The following SLC25A3 variants were observed in gnomAD, a reference collection of about 807,000 sequenced individuals.
SLC25A3 encodes solute carrier family 25 member 3, also known as phosphate transport protein.
A neutral mutation model predicts 37.1 loss-of-function variants in SLC25A3; 14 were observed. The observed-to-expected ratio is 0.38, with a 90% CI of 0.25 to 0.59. The LOEUF (loss-of-function observed/expected upper bound fraction) is 0.59. SLC25A3 is among the 20% of genes least tolerant of loss of function. The probability of loss-of-function intolerance (pLI) is 0.67; values close to 1 mark genes in which losing one functional copy is unlikely to be tolerated. For synonymous variants in SLC25A3, 161 were observed against 168.7 expected (o/e 0.95, Z 0.36); for missense variants, 385 against 458.1 (o/e 0.84, Z 1.46).
intron 4 of SLC25A3, chr12:98,598,316 A>G (rs1353897941): frequency 2.5e-6 from 2 of 815,560 alleles, no homozygotes; most frequent in Middle Eastern, 3.6e-4. Flanking sequence ...GTTCCGGGGC[A>G]TGGCATCTAG....
In SLC25A3 at chr12:98,601,784, A is replaced by C. The variant is rs1178716656; in HGVS notation, c.*256A>C. The C allele has an allele frequency of 1.1e-5, 5 of 436,690 alleles. No homozygotes were observed. The highest frequency in any genetic ancestry group is 2.0e-5 in the African/African-American group (1 of 50,230). 27.1% of individuals were successfully genotyped at this position (436,690 alleles called of 1,614,324 possible). On this transcript the variant is annotated 3_prime_UTR_variant, in exon 8 of 8. Coordinates refer to ENST00000552981, the MANE Select transcript of SLC25A3 (RefSeq NM_002635.4). Reference sequence around the variant, plus strand: ...AATAGTTGGAAAGAATGAAGTATATAAGTTAAGGAAAAAATACAAAACTGA... The same window carrying C: ...AATAGTTGGAAAGAATGAAGTATATCAGTTAAGGAAAAAATACAAAACTGA...
intron 3 of SLC25A3, 67 bp from the exon 4 acceptor site, chr12:98,597,789 C>A: frequency 6.3e-7 from 1 of 1,583,994 alleles, no homozygotes; most frequent in Non-Finnish European, 8.6e-7. Flanking sequence ...CAAAAATAAT[C>A]ATGAGATTAA....
chr12:98,598,296 CCTT>C (rs1366931446), intron 4 of SLC25A3: 1 of 727,898 alleles, frequency 1.4e-6, no homozygotes, highest in African/African-American at 1.8e-5. Flanking sequence ...CTCTGGGACT[CCTT>C]TGCGTAGTTC....
chr12:98,598,201 A>G, intron 4 of SLC25A3, 166 bp downstream of exon 4: 2 of 701,454 alleles, frequency 2.9e-6, no homozygotes, highest in East Asian at 5.4e-5. Context: ...AGGTTGATAA[A>G]TGTATTTCAT....
rs2097599520 is a variant in SLC25A3 at position 98,603,690 on chromosome 12, T to C, written c.*2162T>C. 6.6e-6 allele frequency: 1 copy of C among 152,170 alleles called. No homozygotes were observed. Among genetic ancestry groups the C allele is most frequent in the African/African-American group, 2.4e-5 (1 of 41,442 alleles). The allele number at this position is 152,170 out of a possible 1,614,324, so 9.4% of individuals were successfully genotyped here. ...TTATAATAGGTTTTATTTGTGGGCA[T>C]TGATACAAAATACGCTGTGTTCAAG... On this transcript the variant is annotated 3_prime_UTR_variant, in exon 8 of 8. Coordinates refer to ENST00000552981, the MANE Select transcript of SLC25A3 (RefSeq NM_002635.4).
chr12:98,601,145 G>T (rs930264566), intron 6 of SLC25A3, 26 bp from the exon 7 acceptor site: 2 of 1,610,148 alleles, frequency 1.2e-6, no homozygotes, highest in South Asian at 1.1e-5. Context: ...AACTGGCACT[G>T]TATGGGATCC....
In SLC25A3 at chr12:98,604,258, A is replaced by G. The variant is rs2097599973; in HGVS notation, c.*2730A>G. 8.7e-6 allele frequency: 1 copy of G among 115,288 alleles called. No homozygotes were observed. Among genetic ancestry groups the G allele is most frequent in the South Asian group, 2.9e-4 (1 of 3,474 alleles). The allele number at this position is 115,288 out of a possible 1,614,324, so 7.1% of individuals were successfully genotyped here. On this transcript the variant is annotated 3_prime_UTR_variant, in exon 8 of 8. Transcript: ENST00000552981. ...CAACAGCGAAACTCTGTCTCAAAAA[A>G]AAAAAATATATATATATATATATAT... is the stretch of plus-strand genomic sequence containing the variant.
chr12:98,598,811 T>C, intron 5 of SLC25A3, 108 bp downstream of exon 5: 2 of 1,084,592 alleles, frequency 1.8e-6, no homozygotes, highest in Non-Finnish European at 2.7e-6. Context: ...AGTCTCGCTC[T>C]GTCACCCAGG....
intron 5 of SLC25A3, 149 bp from the exon 6 acceptor site, chr12:98,599,806 G>C (rs1197580524): frequency 1.1e-6 from 1 of 872,670 alleles, no homozygotes; most frequent in Non-Finnish European, 1.9e-6. Context: ...CTGCATGTTA[G>C]TCTAACGTTC....
In SLC25A3 at chr12:98,601,882, A is replaced by C; in HGVS notation, c.*354A>C. The C allele has an allele frequency of 4.2e-6, 1 of 237,324 alleles. No homozygotes were observed. Among genetic ancestry groups the C allele is most frequent in the South Asian group, 5.5e-5 (1 of 18,304 alleles). 14.7% of individuals were successfully genotyped at this position (237,324 alleles called of 1,614,324 possible). ...CATATGTCTCAAGTTTTATCACACA[A>C]AGTTCCTGTATTTCTAGGGAAGCAG... On this transcript the variant is annotated 3_prime_UTR_variant, in exon 8 of 8. Transcript: ENST00000552981.
intron 6 of SLC25A3, 24 bp from the exon 7 acceptor site, chr12:98,601,143 CTGTA>C: frequency 6.2e-7 from 1 of 1,609,526 alleles, no homozygotes; most frequent in Non-Finnish European, 8.5e-7. Flanking sequence ...TTAACTGGCA[CTGTA>C]TGGGATCCTT....
At chr12:98,594,627 G>A (rs1374059709) in intron 2 of SLC25A3, 1 of 475,598 alleles carries the variant, frequency 2.1e-6, no homozygotes, top group Non-Finnish European at 3.8e-6. Flanking sequence ...TCCTGTTTTC[G>A]TGCGACTGGA....
intron 2 of SLC25A3, chr12:98,594,604 A>G (rs2097591409): frequency 1.9e-6 from 1 of 535,604 alleles, no homozygotes; most frequent in Non-Finnish European, 3.4e-6. Context: ...ATTGTATATG[A>G]GATAACTAGA....
At chr12:98,593,937 C>T (rs1169132807) in intron 1 of SLC25A3, 38 bp from the exon 2 acceptor site, 2 of 1,613,212 alleles carry the variant, frequency 1.2e-6, no homozygotes, top group Non-Finnish European at 1.7e-6. Context: ...TAACCGGCGC[C>T]TTGCCTGTCC....
chr12:98,594,235 C>T, intron 2 of SLC25A3, 100 bp downstream of exon 2: 1 of 997,130 alleles, frequency 1.0e-6, no homozygotes, highest in Non-Finnish European at 1.5e-6. Flanking sequence ...AGGACGAGTC[C>T]AGCCCGCTGC....
chr12:98,596,642 T>G (rs893758055), intron 3 of SLC25A3, among the ~76,000 whole-genome samples: 1 of 152,194 alleles, frequency 6.6e-6, no homozygotes, highest in Admixed American at 6.5e-5. Context: ...TCACAAAACT[T>G]TATGCTATAA....
intron 1 of SLC25A3, 86 bp downstream of exon 1, chr12:98,593,826 C>A: frequency 1.2e-6 from 1 of 845,568 alleles, no homozygotes; most frequent in South Asian, 1.5e-5. Flanking sequence ...GCGGTGGGCC[C>A]AGCCGGGAGC....
In SLC25A3 at chr12:98,594,054, C is replaced by T; in HGVS notation, c.76C>T (p.Leu26Phe). ...ACATCTGCAGCTGGTGCACGATGGTCTCGGGGACCTCCGCAGCAGCTCCCC... is the reference window on the plus strand; with the variant it reads ...ACATCTGCAGCTGGTGCACGATGGTTTCGGGGACCTCCGCAGCAGCTCCCC... ...TPHLQLVHDG[L>F]GDLRSSSPGP... is the part of the protein sequence containing the mutation. Residue 26 changes from leucine to phenylalanine, a missense_variant, in exon 2 of 8, where the codon CTC becomes TTC. Physicochemically the swap from Leu to Phe is conservative, Grantham distance 22. Coordinates refer to ENST00000552981, the MANE Select transcript of SLC25A3 (RefSeq NM_002635.4). 2.5e-6 allele frequency: 4 copies of T among 1,613,288 alleles called. No homozygotes were observed. Among genetic ancestry groups the T allele is most frequent in the Non-Finnish European group, 3.4e-6 (4 of 1,179,870 alleles).
chr12:98,601,085 T>G, intron 6 of SLC25A3, 86 bp from the exon 7 acceptor site: 2 of 1,464,892 alleles, frequency 1.4e-6, no homozygotes, highest in South Asian at 2.5e-5. Context: ...TAGAAAAATA[T>G]TATTTTAAAA....
Sources: gnomAD v4.1 joint callset for allele counts (sites outside exome capture counted in the v4.1 genomes callset) on GRCh38, gnomAD v4.1.1 for gene constraint, MANE v1.5 for transcripts, NCBI Gene and HGNC (gene_info 2026-07-23, HGNC 2026-07-21) for gene names.